Variants in FBRSL1 observed in about 807,000 individuals in gnomAD.
FBRSL1 encodes the protein fibrosin like 1, also known as fibrosin-1-like protein.
A neutral mutation model predicts 89.6 loss-of-function variants in FBRSL1; 51 were observed. The ratio of observed to expected loss-of-function variants is 0.57; its 90% CI spans 0.45 to 0.72. FBRSL1 has a LOEUF of 0.72. FBRSL1 is among the 30% of genes least tolerant of loss of function. The probability of loss-of-function intolerance (pLI) is 0.00; values close to 1 mark genes in which losing one functional copy is unlikely to be tolerated. For missense variants in FBRSL1, 1,618 were observed against 1,451.8 expected (o/e 1.11, Z -1.86); for synonymous variants, 779 against 681.1 (o/e 1.14, Z -2.24).
At chr12:132,492,716 C>T (rs1380125952) in intron 1 of FBRSL1, among the ~76,000 whole-genome samples, 5 of 152,166 alleles carry the variant, frequency 3.3e-5, no homozygotes, top group African/African-American at 1.2e-4. Context: ...ACCAGCTGGC[C>T]CCTCAGGTCA....
intron 2 of FBRSL1, among the ~76,000 whole-genome samples, chr12:132,508,917 G>A (rs2034007580): frequency 6.6e-6 from 1 of 152,170 alleles, no homozygotes; most frequent in African/African-American, 2.4e-5. Context: ...AGAGCAGGTG[G>A]GGGCTTCCCC....
chr12:132,526,910 C>A (rs1196353793), intron 3 of FBRSL1, among the ~76,000 whole-genome samples: 2 of 152,108 alleles, frequency 1.3e-5, no homozygotes, highest in African/African-American at 4.8e-5. Context: ...CTGGTGTGAT[C>A]CATACCTCTG....
At chr12:132,493,221 C>T (rs1405115812) in intron 1 of FBRSL1, among the ~76,000 whole-genome samples, 1 of 152,224 alleles carries the variant, frequency 6.6e-6, no homozygotes, top group Non-Finnish European at 1.5e-5. Flanking sequence ...GGACCCAGCC[C>T]AGAGGCACAG....
At chr12:132,523,350 G>A (rs188345899) in intron 2 of FBRSL1, among the ~76,000 whole-genome samples, 2 of 152,230 alleles carry the variant, frequency 1.3e-5, no homozygotes, top group East Asian at 1.9e-4. Flanking sequence ...CCGGCCACCC[G>A]AGGAAGGGGA....
intron 2 of FBRSL1, among the ~76,000 whole-genome samples, chr12:132,520,145 ACACCCTCCTTG>A (rs2035221281): frequency 7.5e-6 from 1 of 134,034 alleles, no homozygotes; most frequent in African/African-American, 2.9e-5. Context: ...CCCCTCCAGC[ACACCCTCCTTG>A]CACCCTCCAG....
At chr12:132,494,119 AG>A (rs1337798950) in intron 1 of FBRSL1, among the ~76,000 whole-genome samples, 1 of 152,152 alleles carries the variant, frequency 6.6e-6, no homozygotes, top group African/African-American at 2.4e-5. Context: ...AGGAGGCCTG[AG>A]GAAGCCCCGC....
intron 2 of FBRSL1, chr12:132,510,638 C>T: frequency 8.1e-7 from 1 of 1,230,206 alleles, no homozygotes; most frequent in Non-Finnish European, 1.0e-6. Context: ...AGGCGGGAGC[C>T]CCTACAGTGC....
intron 5 of FBRSL1, among the ~76,000 whole-genome samples, chr12:132,563,795 A>T: frequency 2.8e-5 from 1 of 36,200 alleles, no homozygotes; most frequent in African/African-American, 1.7e-4. Flanking sequence ...CTGTACACTC[A>T]CCCCCGTCGC....
intron 2 of FBRSL1, among the ~76,000 whole-genome samples, chr12:132,517,238 G>A (rs2034924072): frequency 6.6e-6 from 1 of 152,188 alleles, no homozygotes; most frequent in South Asian, 2.1e-4. Flanking sequence ...CAAACCAAGA[G>A]TTGGTCCAGG....
At chr12:132,572,106 GAC>G (rs1428614153) in intron 9 of FBRSL1, 180 bp from the exon 10 acceptor site, 2 of 604,792 alleles carry the variant, frequency 3.3e-6, no homozygotes, top group African/African-American at 3.7e-5. Context: ...CCTGGTCTGA[GAC>G]TGAGTTCAGA....
In FBRSL1 at chr12:132,574,053, C is replaced by A. The variant is rs376549129; in HGVS notation, c.1531-37C>A. 2.0e-5 allele frequency: 24 copies of A among 1,218,474 alleles called. No homozygotes were observed. The African/African-American group carries it at 3.2e-4, about 16-fold the overall frequency. 75.5% of individuals were successfully genotyped at this position (1,218,474 alleles called of 1,614,324 possible). A position where few individuals can be genotyped will look rare whatever the true frequency, so the allele number is the denominator to read the frequency against. On this transcript the variant is annotated intron_variant, in intron 11 of 18. Coordinates refer to ENST00000680143, the MANE Select transcript of FBRSL1 (RefSeq NM_001367871.1). ...CCGAGGCGTCCTCCTGCCTGGGCGG[C>A]CCCAGGCGCACACAAGCTGTCTCTT...
rs917833078 is a variant in FBRSL1, at chr12:132,581,590, G to A, written c.1912+74G>A. ...GCCTTGTGGCGGGGGAATTAGGTGGGCGGGAAGGTGGCCCCGAGCCCCAGG... is the reference window on the plus strand; with the variant it reads ...GCCTTGTGGCGGGGGAATTAGGTGGACGGGAAGGTGGCCCCGAGCCCCAGG... On this transcript the variant is annotated intron_variant, in intron 16 of 18. Coordinates refer to ENST00000680143, the MANE Select transcript of FBRSL1 (RefSeq NM_001367871.1). The A allele has an allele frequency of 3.3e-6, 5 of 1,524,702 alleles. No individual in the cohort carries two copies. The Admixed American group carries it at 9.9e-5, about 30-fold the overall frequency. 94.4% of individuals were successfully genotyped at this position (1,524,702 alleles called of 1,614,324 possible).
In FBRSL1 at chr12:132,544,102, G is replaced by A. The variant is rs188332296; in HGVS notation, c.616-3901G>A. Among the ~76,000 whole-genome samples the A allele has an allele frequency of 2.9e-4, 44 of 152,300 alleles. No homozygotes were observed. The Middle Eastern group carries it at 0.01, about 35-fold the overall frequency. On this transcript the variant is annotated intron_variant, in intron 4 of 18. Transcript: ENST00000680143. ...GAGCCTGCCCCCACGGCCAATCACC[G>A]GAATCACCCGGCTGCTACTCCCCAC...
chr12:132,584,270 AT>A lies in FBRSL1; in HGVS notation c.*494del, dbSNP rs1210245738. The A allele has an allele frequency of 6.6e-6, 1 of 152,154 alleles. No homozygotes were observed. Among genetic ancestry groups the A allele is most frequent in the African/African-American group, 2.4e-5 (1 of 41,426 alleles). 9.4% of individuals were successfully genotyped at this position (152,154 alleles called of 1,614,324 possible). A position where few individuals can be genotyped will look rare whatever the true frequency, so the allele number is the denominator to read the frequency against. The stretch of plus-strand genomic sequence containing the variant: ...TTGGTACTTGGAACCGAAGTTACAG[AT>A]TATATTAAAATAATAATGTACAAAA... On this transcript the variant is annotated 3_prime_UTR_variant, in exon 19 of 19. Coordinates refer to ENST00000680143, the MANE Select transcript of FBRSL1 (RefSeq NM_001367871.1).
At chr12:132,560,524 G>A (rs1029644751) in intron 5 of FBRSL1, among the ~76,000 whole-genome samples, 1 of 152,094 alleles carries the variant, frequency 6.6e-6, no homozygotes, top group Non-Finnish European at 1.5e-5. Flanking sequence ...CTGCGCCCAG[G>A]TGCGGAATCG....
chr12:132,515,899 C>CAAAAAA (rs60767937), intron 2 of FBRSL1, among the ~76,000 whole-genome samples: 3 of 65,606 alleles, frequency 4.6e-5, no homozygotes, highest in African/African-American at 1.2e-4. Flanking sequence ...GACTCCGTCT[C>CAAAAAA]AAAAAAAAAA....
chr12:132,510,029 A>G (rs1386482505), intron 2 of FBRSL1: 9 of 1,231,324 alleles, frequency 7.3e-6, no homozygotes, highest in Non-Finnish European at 9.1e-6. Context: ...TGGAAGCCCC[A>G]GAGCAGCCCG....
rs926126248 is a variant in FBRSL1 at position 132,546,885 on chromosome 12, G to A, written c.616-1118G>A. Among the ~76,000 whole-genome samples, 14 of 152,322 alleles carry A rather than the reference G, an allele frequency of 9.2e-5. No homozygotes were observed. Among genetic ancestry groups the A allele is most frequent in the African/African-American group, 1.7e-4 (7 of 41,560 alleles). On this transcript the variant is annotated intron_variant, in intron 4 of 18. Coordinates refer to ENST00000680143, the MANE Select transcript of FBRSL1 (RefSeq NM_001367871.1). This position sits in a 1 kb window ranked among gnomAD's most constrained non-coding sequence, Gnocchi z 4.0. Reference sequence around the variant, plus strand: ...CTGTGAGCTCCGTCGCTGAACACTCGGCAGCCGCGGCTGCACATGGAGGGT... The same window carrying A: ...CTGTGAGCTCCGTCGCTGAACACTCAGCAGCCGCGGCTGCACATGGAGGGT...
intron 5 of FBRSL1, chr12:132,559,999 C>A: frequency 6.7e-6 from 1 of 148,248 alleles, no homozygotes; most frequent in South Asian, 1.8e-4. Context: ...GGGCCCGCGC[C>A]GCGCCCGACG....
Sources: allele counts gnomAD v4.1 joint callset (sites outside exome capture counted in the v4.1 genomes callset), GRCh38; gene constraint gnomAD v4.1.1; non-coding constraint Gnocchi (gnomAD v3.1); transcripts MANE v1.5; gene names NCBI Gene and HGNC (gene_info 2026-07-23, HGNC 2026-07-21).